CSMD1: variants seen among roughly 807,000 people sequenced by gnomAD.
The protein encoded by CSMD1 is CUB and Sushi multiple domains 1.
CSMD1 carries 213 observed loss-of-function variants against 417.5 expected under a neutral mutation model. That is an observed-to-expected ratio of 0.51 (90% CI 0.46 to 0.57). The LOEUF is 0.57. Among genes scored for constraint, CSMD1 ranks in the 20% least tolerant of loss-of-function variants. The pLI, the probability that CSMD1 is intolerant of heterozygous loss-of-function variation, is 0.00. For synonymous variants in CSMD1, 2,862 were observed against 1,736.8 expected, an observed-to-expected ratio of 1.65 and a Z score of -16.11; for missense variants, 6,923 against 4,529.7, an observed-to-expected ratio of 1.53 and a Z score of -15.17.
chr8:3,295,250 G>T (rs373862665), intron 25 of CSMD1, among the ~76,000 whole-genome samples: 1 of 151,848 alleles, frequency 6.6e-6, no homozygotes, highest in African/African-American at 2.4e-5. Flanking sequence ...TCAGCCTCCC[G>T]AGTAGCTGGG....
intron 33 of CSMD1, among the ~76,000 whole-genome samples, chr8:3,190,781 T>C (rs1054017875): frequency 6.6e-6 from 1 of 152,118 alleles, no homozygotes; most frequent in Non-Finnish European, 1.5e-5. Context: ...GTGGAGTAGA[T>C]AAAAGAAGAA....
chr8:3,184,997 T>C (rs1821653593), intron 36 of CSMD1, among the ~76,000 whole-genome samples: 1 of 152,224 alleles, frequency 6.6e-6, no homozygotes, highest in Non-Finnish European at 1.5e-5. Context: ...TTGTCTCCTT[T>C]ATAATATAGT....
At chr8:4,903,513 C>T (rs1805037034) in intron 1 of CSMD1, among the ~76,000 whole-genome samples, 1 of 152,058 alleles carries the variant, frequency 6.6e-6, no homozygotes. Flanking sequence ...TTGTTTAAAA[C>T]TGCAAAAAAT....
At chr8:4,088,060 A>G (rs780965141) in intron 3 of CSMD1, among the ~76,000 whole-genome samples, 3 of 152,178 alleles carry the variant, frequency 2.0e-5, no homozygotes, top group Admixed American at 6.5e-5. Flanking sequence ...GACCTTTGAC[A>G]ATCACAGTAA....
chr8:4,196,353 T>C (rs1218020687), intron 3 of CSMD1, among the ~76,000 whole-genome samples: 4 of 152,208 alleles, frequency 2.6e-5, no homozygotes, highest in Non-Finnish European at 5.9e-5. Flanking sequence ...GAGAATACAG[T>C]CTTACTTTTA....
chr8:3,834,191 A>G (rs1724268514), intron 5 of CSMD1, among the ~76,000 whole-genome samples: 1 of 151,992 alleles, frequency 6.6e-6, no homozygotes, highest in South Asian at 2.1e-4. Context: ...ATCAACAGTT[A>G]TTTTAAAATT....
chr8:4,033,208 A>G (rs902400053), intron 3 of CSMD1, among the ~76,000 whole-genome samples: 15 of 149,638 alleles, frequency 1.0e-4, no homozygotes, highest in African/African-American at 3.7e-4. Context: ...TGGGAGGCCG[A>G]GGCAGGAGGA....
intron 6 of CSMD1, among the ~76,000 whole-genome samples, chr8:3,728,055 G>T (rs943708549): frequency 6.6e-6 from 1 of 152,142 alleles, no homozygotes. Context: ...ACATTTGAAA[G>T]GGTTTGGCTA....
chr8:4,717,658 G>A (rs943376285), intron 1 of CSMD1, among the ~76,000 whole-genome samples: 5 of 151,948 alleles, frequency 3.3e-5, no homozygotes, highest in African/African-American at 7.3e-5. Flanking sequence ...TGGTGTGAGT[G>A]GGAAGGAATT....
chr8:2,955,721 C>A lies in CSMD1; in HGVS notation c.9862G>T (p.Ala3288Ser), dbSNP rs1802953294. Residue 3288 changes from alanine to serine, a missense_variant, in exon 64 of 70, where the codon GCC becomes TCC. By Grantham distance (99) the Ala-to-Ser change is moderately conservative. Coordinates refer to ENST00000635120, the MANE Select transcript of CSMD1 (RefSeq NM_033225.6). Reference protein sequence around the residue: ...PETPAHADVRAIDLPTFGYTL... With the variant: ...PETPAHADVRSIDLPTFGYTL... ...TAGCCGAAAGTAGGAAGATCGATGG[C>A]TCTCACATCCGCGTGTGCCGGGGTT... The A allele has an allele frequency of 3.1e-6, 5 of 1,613,824 alleles. No homozygotes were observed. The highest frequency in any genetic ancestry group is 1.3e-5 in the African/African-American group (1 of 74,934).
chr8:4,089,699 A>T (rs1351514066), intron 3 of CSMD1, among the ~76,000 whole-genome samples: 2 of 152,206 alleles, frequency 1.3e-5, no homozygotes, highest in African/African-American at 4.8e-5. Context: ...TGTGCCCAAC[A>T]CAGAAAGCTA....
intron 52 of CSMD1, among the ~76,000 whole-genome samples, chr8:3,007,689 C>T (rs545456169): frequency 1.4e-5 from 2 of 148,004 alleles, no homozygotes; most frequent in South Asian, 2.1e-4. Context: ...CCAAACACCG[C>T]ATATTCTCAC....
At chr8:4,388,077 C>A (rs894361198) in intron 3 of CSMD1, among the ~76,000 whole-genome samples, 38 of 152,138 alleles carry the variant, frequency 2.5e-4, no homozygotes, top group Non-Finnish European at 3.1e-4. Context: ...GGACTAATGT[C>A]AGAAGTAAAC....
At chr8:4,078,191 T>C (rs1186159019) in intron 3 of CSMD1, among the ~76,000 whole-genome samples, 1 of 152,246 alleles carries the variant, frequency 6.6e-6, no homozygotes, top group African/African-American at 2.4e-5. Context: ...TTCAACTCTT[T>C]GCTGCATTTC....
rs535741217 is a variant in CSMD1 at position 3,868,440 on chromosome 8, C to T, written c.819-114398G>A. Among the ~76,000 whole-genome samples, 12 of 152,226 alleles carry T rather than the reference C, an allele frequency of 7.9e-5. No individual in the cohort carries two copies. In the South Asian group the frequency reaches 2.3e-3, roughly 29 times the overall value. On this transcript the variant is annotated intron_variant, in intron 5 of 69. Coordinates refer to ENST00000635120, the MANE Select transcript of CSMD1 (RefSeq NM_033225.6). ...GGGCAGCTGGGGGGCAGCTGTAAGC[C>T]GATCCCATGCCACCTGCATCAGCCA...
intron 5 of CSMD1, among the ~76,000 whole-genome samples, chr8:3,810,198 C>T (rs1585032164): frequency 6.6e-6 from 1 of 152,170 alleles, no homozygotes; most frequent in Admixed American, 6.6e-5. Context: ...TCCAATGAGT[C>T]AGGACAGTCT....
intron 3 of CSMD1, among the ~76,000 whole-genome samples, chr8:4,263,304 C>T (rs1804012326): frequency 6.6e-6 from 1 of 152,122 alleles, no homozygotes; most frequent in Non-Finnish European, 1.5e-5. Flanking sequence ...AGATTTACTC[C>T]TCCCACCAAA....
At chr8:4,896,140 AT>A (rs1378125600) in intron 1 of CSMD1, among the ~76,000 whole-genome samples, 2 of 152,102 alleles carry the variant, frequency 1.3e-5, no homozygotes, top group East Asian at 3.9e-4. Flanking sequence ...TAGCATAAAT[AT>A]TTTTTTAAAC....
chr8:4,576,239 C>T lies in CSMD1; in HGVS notation c.302+61103G>A, dbSNP rs979970506. ...CCCACCTCGTCTTCTGAATTCCAGG[C>T]ACCCTTCTAGTTCCTCTACAAAAGC... On this transcript the variant is annotated intron_variant, in intron 2 of 69. Transcript: ENST00000635120. Among the ~76,000 whole-genome samples the T allele has an allele frequency of 3.3e-5, 5 of 152,216 alleles. No individual in the cohort carries two copies. In the South Asian group the frequency reaches 1.0e-3, roughly 32 times the overall value.
Sources: allele counts gnomAD v4.1 joint callset (sites outside exome capture counted in the v4.1 genomes callset), GRCh38; gene constraint gnomAD v4.1.1; transcripts MANE v1.5; gene names NCBI Gene and HGNC (gene_info 2026-07-23, HGNC 2026-07-21).